Variants in ADAM15 observed in about 807,000 individuals in gnomAD.
The protein encoded by ADAM15 is disintegrin and metalloproteinase domain-containing protein 15.
Under a neutral mutation model 113.8 loss-of-function variants are expected in ADAM15, and 77 were observed. The observed-to-expected ratio is 0.68, with a 90% CI of 0.56 to 0.82. The LOEUF (loss-of-function observed/expected upper bound fraction) is 0.82, where lower values mean the gene tolerates loss of function less well. Among genes scored for constraint, ADAM15 ranks in the 40% least tolerant of loss-of-function variants. The pLI is 0.00. For synonymous variants in ADAM15, 388 were observed against 454.1 expected (o/e 0.85, Z 1.85); for missense variants, 963 against 1,120.1 (o/e 0.86, Z 2.00).
At position 155,051,412 on chromosome 1, in the gene ADAM15, T is replaced by C; in HGVS notation, c.26T>C (p.Leu9Pro). Residue 9 changes from leucine (L) to proline (P), a missense_variant, in exon 1 of 23, where the codon CTG (leucine) becomes CCG (proline). Transcript: ENST00000356955. MRLALLWA[L>P]GLLGAGSPLP... The stretch of plus-strand genomic sequence containing the variant: ...ATGCGGCTGGCGCTGCTCTGGGCCC[T>C]GGGGCTCCTGGGCGCGGGCAGCCCT... 1.3e-6 allele frequency: 2 copies of C among 1,559,104 alleles called. No homozygotes were observed. The highest frequency in any genetic ancestry group is 1.2e-5 in the South Asian group (1 of 84,906).
Position 155,058,583 on chromosome 1 carries a change from C to T in ADAM15, c.1918-127C>T, listed in dbSNP as rs1402956189. 76 of 1,551,306 alleles carry T rather than the reference C, an allele frequency of 4.9e-5. No individual in the cohort carries two copies. The highest frequency in any genetic ancestry group is 6.4e-5 in the Non-Finnish European group (74 of 1,148,636). ...TTTCTTACTTCAGATGGAGCAAAGTCCTATCAACTCACTATGCCTTGGTTT... is the reference window on the plus strand; with the variant it reads ...TTTCTTACTTCAGATGGAGCAAAGTTCTATCAACTCACTATGCCTTGGTTT... On this transcript the variant is annotated intron_variant, in intron 15 of 22. Coordinates refer to ENST00000356955, the MANE Select transcript of ADAM15 (RefSeq NM_207197.3). The surrounding 1 kb of genome is among the most constrained non-coding windows in gnomAD (Gnocchi z 4.3).
At position 155,057,888 on chromosome 1, in the gene ADAM15, G is replaced by A. The variant is rs114498585; in HGVS notation, c.1454G>A (p.Gly485Glu). 2,571 of 1,613,176 alleles carry A rather than the reference G, an allele frequency of 1.6e-3. 2 individuals carry two copies. Among genetic ancestry groups the A allele is most frequent in the Non-Finnish European group, 2.0e-3 (2,343 of 1,180,002 alleles). The stretch of plus-strand genomic sequence containing the variant: ...GGCTGGCAGTGTCGTCCTACCAGAG[G>A]GGATTGTGACTTGCCTGAATTCTGC... Reference protein sequence around the residue: ...PSGWQCRPTRGDCDLPEFCPG... With the variant: ...PSGWQCRPTREDCDLPEFCPG... Residue 485 changes from glycine to glutamate, a missense_variant, in exon 14 of 23, where the codon GGG becomes GAG. Transcript: ENST00000356955. The surrounding 1 kb of genome is among the most constrained non-coding windows in gnomAD (Gnocchi z 5.0).
In ADAM15 at chr1:155,054,276, A is replaced by G. The variant is rs373079315; in HGVS notation, c.420-38A>G. On this transcript the variant is annotated intron_variant, in intron 5 of 22. Coordinates refer to ENST00000356955, the MANE Select transcript of ADAM15 (RefSeq NM_207197.3). ...GTAGAGAAAGTAAGGAGACCCAGGC[A>G]TGGAGCTGAAATGTTCTCTGACTTT... The G allele has an allele frequency of 9.5e-6, 15 of 1,585,744 alleles. No individual in the cohort carries two copies. The South Asian group carries it at 1.0e-4, about 11-fold the overall frequency.
chr1:155,061,329 C>A (rs903247270), intron 19 of ADAM15, 86 bp from the exon 20 acceptor site: 5 of 983,170 alleles, frequency 5.1e-6, no homozygotes, highest in East Asian at 2.5e-5. Flanking sequence ...TGCTGGCCCC[C>A]CCTGGGCACT....
rs528696853 is a variant in ADAM15, at chr1:155,058,570, G to A, written c.1917+129G>A. 211 of 1,549,712 alleles carry A rather than the reference G, an allele frequency of 1.4e-4. 1 individual carries two copies. The highest frequency in any genetic ancestry group is 1.7e-4 in the Non-Finnish European group (199 of 1,148,218). ...CAAGGGAAGTCAGTTTCTTACTTCA[G>A]ATGGAGCAAAGTCCTATCAACTCAC... On this transcript the variant is annotated intron_variant, in intron 15 of 22. Transcript: ENST00000356955. This position sits in a 1 kb window ranked among gnomAD's most constrained non-coding sequence, Gnocchi z 4.3.
chr1:155,052,525 T>C, intron 1 of ADAM15, 146 bp from the exon 2 acceptor site: 1 of 1,546,540 alleles, frequency 6.5e-7, no homozygotes, highest in Non-Finnish European at 8.7e-7. Flanking sequence ...AGTATTCTTC[T>C]TTAAGTCTCA....
intron 16 of ADAM15, 94 bp from the exon 17 acceptor site, chr1:155,059,808 C>A: frequency 7.3e-7 from 1 of 1,369,404 alleles, no homozygotes; most frequent in Non-Finnish European, 1.0e-6. Context: ...CCAGCACAAC[C>A]CCCAGTTGTA....
intron 17 of ADAM15, 103 bp from the exon 18 acceptor site, chr1:155,060,102 C>G (rs1400114530): frequency 1.3e-6 from 2 of 1,574,376 alleles, no homozygotes; most frequent in East Asian, 4.5e-5. Context: ...CCCTTGAACC[C>G]TTCACTCTCC....
intron 1 of ADAM15, 75 bp downstream of exon 1, chr1:155,051,540 A>T: frequency 7.3e-7 from 1 of 1,366,212 alleles, no homozygotes; most frequent in Non-Finnish European, 9.7e-7. Context: ...GCATTAGGGT[A>T]ATGGGGCCGG....
Position 155,058,746 on chromosome 1 carries a change from C to T in ADAM15, c.1954C>T (p.Leu652=), listed in dbSNP as rs747416580. Residue 652 remains leucine, a synonymous_variant, in exon 16 of 23, where the codon CTG becomes TTG. Coordinates refer to ENST00000356955, the MANE Select transcript of ADAM15 (RefSeq NM_207197.3). The surrounding 1 kb of genome is among the most constrained non-coding windows in gnomAD (Gnocchi z 4.3). ...IDHRCQRVDL[L]GAQECRSKCH... The stretch of plus-strand genomic sequence containing the variant: ...CCATCGATGCCAGCGTGTGGATCTC[C>T]TGGGGGCACAGGAATGTCGAAGCAA... 2 of 1,606,014 alleles carry T rather than the reference C, an allele frequency of 1.2e-6. No homozygotes were observed. Among genetic ancestry groups the T allele is most frequent in the Non-Finnish European group, 1.7e-6 (2 of 1,176,404 alleles).
intron 1 of ADAM15, 40 bp downstream of exon 1, chr1:155,051,505 G>A (rs1661007182): frequency 1.3e-6 from 2 of 1,490,812 alleles, no homozygotes; most frequent in East Asian, 2.8e-5. Context: ...GGCGGACTGG[G>A]AGGGAGGTGC....
Position 155,058,685 on chromosome 1 carries a change from C to G in ADAM15, c.1918-25C>G, listed in dbSNP as rs2102412973. On this transcript the variant is annotated intron_variant, in intron 15 of 22. Transcript: ENST00000356955. This position sits in a 1 kb window ranked among gnomAD's most constrained non-coding sequence, Gnocchi z 4.3. ...CATTAAAGCTTTGTGGGAATCTGATCCAGGCTCTTCTCTCCCTGGGTCAGG... is the reference window on the plus strand; with the variant it reads ...CATTAAAGCTTTGTGGGAATCTGATGCAGGCTCTTCTCTCCCTGGGTCAGG... 6.2e-7 allele frequency: 1 copy of G among 1,608,792 alleles called. No homozygotes were observed. The highest frequency in any genetic ancestry group is 1.3e-5 in the African/African-American group (1 of 74,880).
chr1:155,056,552 A>C lies in ADAM15; in HGVS notation c.999+82A>C. The C allele has an allele frequency of 1.4e-6, 2 of 1,411,182 alleles. No homozygotes were observed. Among genetic ancestry groups the C allele is most frequent in the Non-Finnish European group, 2.0e-6 (2 of 1,014,856 alleles). The allele number at this position is 1,411,182 out of a possible 1,614,324, so 87.4% of individuals were successfully genotyped here. On this transcript the variant is annotated intron_variant, in intron 10 of 22. Coordinates refer to ENST00000356955, the MANE Select transcript of ADAM15 (RefSeq NM_207197.3). This position sits in a 1 kb window ranked among gnomAD's most constrained non-coding sequence, Gnocchi z 4.0. ...GGCATTTATGCACTGAAACCCCCCT[A>C]TAAAGTTGCCCAACCCCAAAGCTAC...
In ADAM15 at chr1:155,054,186, G is replaced by A. The variant is rs1661463423; in HGVS notation, c.379G>A (p.Ala127Thr). The change falls in exon 5 of 23, where the codon GCA becomes ACA. Residue 127 changes from alanine to threonine, a missense_variant. Physicochemically the swap from Ala to Thr is moderately conservative, Grantham distance 58. Coordinates refer to ENST00000356955, the MANE Select transcript of ADAM15 (RefSeq NM_207197.3). Reference protein sequence around the residue: ...CCYQGRVRGYAGSWVSICTCS... With the variant: ...CCYQGRVRGYTGSWVSICTCS... ...CTACCAGGGAAGAGTGCGGGGATAT[G>A]CAGGCTCCTGGGTGTCCATCTGCAC... 1 of 1,612,050 alleles carries A rather than the reference G, an allele frequency of 6.2e-7. No individual in the cohort carries two copies. Among genetic ancestry groups the A allele is most frequent in the South Asian group, 1.1e-5 (1 of 90,860 alleles).
In ADAM15 at chr1:155,062,456, C is replaced by T; in HGVS notation, c.2550-4C>T. The T allele has an allele frequency of 6.2e-7, 1 of 1,613,328 alleles. No individual in the cohort carries two copies. Among genetic ancestry groups the T allele is most frequent in the Non-Finnish European group, 8.5e-7 (1 of 1,179,990 alleles). Reference sequence around the variant, plus strand: ...CTCTTTTTTCTTGGCTTCCCGCAATCCAGACCAGCGCCACCGCCTCCGACA... The same window carrying T: ...CTCTTTTTTCTTGGCTTCCCGCAATTCAGACCAGCGCCACCGCCTCCGACA... On this transcript the variant is annotated splice_region_variant and splice_polypyrimidine_tract_variant and intron_variant, in intron 22 of 22. Transcript: ENST00000356955. This position sits in a 1 kb window ranked among gnomAD's most constrained non-coding sequence, Gnocchi z 7.0.
chr1:155,054,276 A>T (rs373079315), intron 5 of ADAM15, 38 bp from the exon 6 acceptor site: 2 of 1,585,744 alleles, frequency 1.3e-6, no homozygotes, highest in African/African-American at 2.7e-5. Flanking sequence ...AGACCCAGGC[A>T]TGGAGCTGAA....
Position 155,051,515 on chromosome 1 carries a change from C to T in ADAM15, c.79+50C>T, listed in dbSNP as rs1392649885. 6 of 1,468,328 alleles carry T rather than the reference C, an allele frequency of 4.1e-6. No homozygotes were observed. In the East Asian group the frequency reaches 8.7e-5, roughly 21 times the overall value. 91.0% of individuals were successfully genotyped at this position (1,468,328 alleles called of 1,614,324 possible). A position where few individuals can be genotyped will look rare whatever the true frequency, so the allele number is the denominator to read the frequency against. ...CGGGGGGCGGACTGGGAGGGAGGTG[C>T]AGGAAAGTCGGAAGGCATTAGGGTA... is the stretch of plus-strand genomic sequence containing the variant. On this transcript the variant is annotated intron_variant, in intron 1 of 22. Transcript: ENST00000356955.
In ADAM15 at chr1:155,057,020, T is replaced by C. The variant is rs778708750; in HGVS notation, c.1067T>C (p.Leu356Pro). 6.2e-7 allele frequency: 1 copy of C among 1,607,440 alleles called. No individual in the cohort carries two copies. Among genetic ancestry groups the C allele is most frequent in the Non-Finnish European group, 8.5e-7 (1 of 1,176,166 alleles). The change falls in exon 11 of 23, where the codon CTG (leucine) becomes CCG (proline). Residue 356 changes from leucine (L) to proline (P), a missense_variant. Leu to Pro is a moderately conservative substitution (Grantham distance 98). Transcript: ENST00000356955. The surrounding 1 kb of genome is among the most constrained non-coding windows in gnomAD (Gnocchi z 5.0). ...CATGAGTTGGGCCACAGCCTGGGCC[T>C]GGACCATGATTTGCCTGGGAATAGC... is the stretch of plus-strand genomic sequence containing the variant. ...IAHELGHSLG[L>P]DHDLPGNSCP...
chr1:155,057,550 T>G lies in ADAM15; in HGVS notation c.1324-87T>G, dbSNP rs1434937442. ...CCCTCGCTTGCTGTGTAGCTTCTGG[T>G]CTTGGCCTGTGGGAGGAGGAGAGAT... is the stretch of plus-strand genomic sequence containing the variant. On this transcript the variant is annotated intron_variant, in intron 12 of 22. Transcript: ENST00000356955. The surrounding 1 kb of genome is among the most constrained non-coding windows in gnomAD (Gnocchi z 5.0). 3.9e-6 allele frequency: 6 copies of G among 1,547,270 alleles called. No individual in the cohort carries two copies. Among genetic ancestry groups the G allele is most frequent in the Non-Finnish European group, 5.3e-6 (6 of 1,123,388 alleles).
Sources: gnomAD v4.1 joint callset for allele counts on GRCh38, gnomAD v4.1.1 for gene constraint, Gnocchi (gnomAD v3.1) non-coding constraint, MANE v1.5 for transcripts, NCBI Gene and HGNC (gene_info 2026-07-23, HGNC 2026-07-21) for gene names.